ECEL1: variants seen among roughly 807,000 people sequenced by gnomAD.
ECEL1 encodes the protein endothelin-converting enzyme-like 1.
Under a neutral mutation model 101.8 loss-of-function variants are expected in ECEL1, and 87 were observed. The observed-to-expected ratio is 0.85, with a 90% CI of 0.72 to 1.02. The LOEUF is 1.02. Among genes scored for constraint, ECEL1 ranks in the 50% least tolerant of loss-of-function variants. ECEL1 has a pLI of 0.00. For missense variants in ECEL1, 1,032 were observed against 1,079.2 expected (o/e 0.96, Z 0.61); for synonymous variants, 487 against 468.7 (o/e 1.04, Z -0.50).
At position 232,485,980 on chromosome 2, in the gene ECEL1, C is replaced by A. The variant is rs1321618295; in HGVS notation, c.674G>T (p.Arg225Leu). 3.7e-6 allele frequency: 6 copies of A among 1,602,050 alleles called. No homozygotes were observed. The highest frequency in any genetic ancestry group is 5.1e-6 in the Non-Finnish European group (6 of 1,175,968). Residue 225 changes from arginine (R) to leucine (L), a missense_variant, in exon 2 of 18, where the codon CGA becomes CTA. By Grantham distance (102) the Arg-to-Leu change is moderately radical. Coordinates refer to ENST00000304546, the MANE Select transcript of ECEL1 (RefSeq NM_004826.4). Reference sequence around the variant, plus strand: ...GTACAGCAGCCGGTTGAGGTCCCATCGCGCCGCGACCCCCGGACGCTCCTC... The same window carrying A: ...GTACAGCAGCCGGTTGAGGTCCCATAGCGCCGCGACCCCCGGACGCTCCTC... ...GAEERPGVAARWDLNRLLYKA... is the reference protein window; with the variant it reads ...GAEERPGVAALWDLNRLLYKA...
chr2:232,485,965 C>T lies in ECEL1; in HGVS notation c.689G>A (p.Arg230Gln), dbSNP rs762952621. Residue 230 changes from arginine to glutamine, a missense_variant, in exon 2 of 18, where the codon CGG becomes CAG. Coordinates refer to ENST00000304546, the MANE Select transcript of ECEL1 (RefSeq NM_004826.4). ...PGVAARWDLN[R>Q]LLYKAQGVYS... is the part of the protein sequence containing the mutation. ...CACGCCCTGCGCCTTGTACAGCAGC[C>T]GGTTGAGGTCCCATCGCGCCGCGAC... 2.5e-6 allele frequency: 4 copies of T among 1,596,764 alleles called. No individual in the cohort carries two copies. Among genetic ancestry groups the T allele is most frequent in the Admixed American group, 1.7e-5 (1 of 58,216 alleles).
At chr2:232,481,285 G>T in intron 14 of ECEL1, 129 bp from the exon 15 acceptor site, 1 of 1,353,610 alleles carries the variant, frequency 7.4e-7, no homozygotes, top group Non-Finnish European at 1.0e-6. Flanking sequence ...AGTTTGAGGG[G>T]GGGCTCCAAC....
Position 232,486,723 on chromosome 2 carries a change from T to C in ECEL1, c.-70A>G. On this transcript the variant is annotated 5_prime_UTR_variant, in exon 2 of 18. Transcript: ENST00000304546. ...GGGATGCGCGTGGCCGCCGGCCTCC[T>C]CGTGGGCCTCCGCATGGCCCTGGGG... 1 of 1,376,200 alleles carries C rather than the reference T, an allele frequency of 7.3e-7. No homozygotes were observed. Among genetic ancestry groups the C allele is most frequent in the Non-Finnish European group, 9.4e-7 (1 of 1,067,158 alleles). 85.2% of individuals were successfully genotyped at this position (1,376,200 alleles called of 1,614,324 possible). A position where few individuals can be genotyped will look rare whatever the true frequency, so the allele number is the denominator to read the frequency against.
At chr2:232,481,066 G>A (rs1222710520) in intron 15 of ECEL1, 25 bp downstream of exon 15, 2 of 1,552,156 alleles carry the variant, frequency 1.3e-6, no homozygotes, top group Non-Finnish European at 1.7e-6. Context: ...CTGCAGCAGG[G>A]GTGGAGCACA....
chr2:232,480,416 A>G lies in ECEL1; in HGVS notation c.2211T>C (p.His737=), dbSNP rs776369901. The G allele has an allele frequency of 6.8e-6, 11 of 1,613,904 alleles. No homozygotes were observed. In the African/African-American group the frequency reaches 1.2e-4, roughly 18 times the overall value. The change falls in exon 17 of 18, where the codon CAT becomes CAC. Residue 737 remains histidine (H), a synonymous_variant. Transcript: ENST00000304546. ...GGGCATACCTGTAGTGCTCAGGGGCATGCTTGTCAGTCAGCACCTGCAGGT... is the reference window on the plus strand; with the variant it reads ...GGGCATACCTGTAGTGCTCAGGGGCGTGCTTGTCAGTCAGCACCTGCAGGT... ...SIYLQVLTDK[H]APEHYRVLGS...
At position 232,486,285 on chromosome 2, in the gene ECEL1, G is replaced by A; in HGVS notation, c.369C>T (p.Cys123=). Residue 123 remains cysteine (C), a synonymous_variant, in exon 2 of 18, where the codon TGC becomes TGT. Transcript: ENST00000304546. ...AANLDASIDP[C]QDFYSFACGG... ...CGCAGGCGAACGAGTAGAAGTCCTG[G>A]CATGGGTCGATGCTGGCGTCCAGGT... The A allele has an allele frequency of 6.3e-7, 1 of 1,597,364 alleles. No individual in the cohort carries two copies. Among genetic ancestry groups the A allele is most frequent in the Admixed American group, 1.7e-5 (1 of 59,536 alleles).
chr2:232,486,596 C>T lies in ECEL1; in HGVS notation c.58G>A (p.Val20Met), dbSNP rs748368427. 3 of 1,472,974 alleles carry T rather than the reference C, an allele frequency of 2.0e-6. No homozygotes were observed. Among genetic ancestry groups the T allele is most frequent in the African/African-American group, 1.5e-5 (1 of 68,702 alleles). 91.2% of individuals were successfully genotyped at this position (1,472,974 alleles called of 1,614,324 possible). Residue 20 changes from valine to methionine, a missense_variant, in exon 2 of 18, where the codon GTG (valine) becomes ATG (methionine). Coordinates refer to ENST00000304546, the MANE Select transcript of ECEL1 (RefSeq NM_004826.4). ...HYDEFQEVKY[V>M]SRCGAGGARG... ...GCGCCCCCCGCGCCGCAGCGGCTCACGTACTTGACCTCTTGGAACTCATCG... is the reference window on the plus strand; with the variant it reads ...GCGCCCCCCGCGCCGCAGCGGCTCATGTACTTGACCTCTTGGAACTCATCG...
rs890190621 is a variant in ECEL1, at chr2:232,486,449, C to A, written c.205G>T (p.Ala69Ser). The change falls in exon 2 of 18, where the codon GCC (alanine) becomes TCC (serine). Residue 69 changes from alanine (A) to serine (S), a missense_variant. Transcript: ENST00000304546. Reference sequence around the variant, plus strand: ...GCCAGAATGGCGCAGAGGCCGGCGGCGAACACCAGCCCCGACAGCAGGCAC... The same window carrying A: ...GCCAGAATGGCGCAGAGGCCGGCGGAGAACACCAGCCCCGACAGCAGGCAC... ...EVCLLSGLVF[A>S]AGLCAILAAM... The A allele has an allele frequency of 2.8e-6, 4 of 1,452,844 alleles. No homozygotes were observed. The African/African-American group carries it at 4.5e-5, about 16-fold the overall frequency. 90.0% of individuals were successfully genotyped at this position (1,452,844 alleles called of 1,614,324 possible).
At position 232,481,429 on chromosome 2, in the gene ECEL1, G is replaced by A. The variant is rs957143258; in HGVS notation, c.1989+77C>T. The A allele has an allele frequency of 5.2e-6, 8 of 1,540,186 alleles. No individual in the cohort carries two copies. The South Asian group carries it at 6.0e-5, about 12-fold the overall frequency. On this transcript the variant is annotated intron_variant, in intron 14 of 17. Coordinates refer to ENST00000304546, the MANE Select transcript of ECEL1 (RefSeq NM_004826.4). The stretch of plus-strand genomic sequence containing the variant: ...AGGTTTTGTTTGGACATGTGCACGT[G>A]CGCAAGGGTGTGCGTGATGCTCCCG...
At chr2:232,481,406 G>T in intron 14 of ECEL1, 100 bp downstream of exon 14, 1 of 1,514,160 alleles carries the variant, frequency 6.6e-7, no homozygotes, top group Non-Finnish European at 8.9e-7. Context: ...CTGGGCACAG[G>T]TTTTGTTTGG....
rs1434308845 is a variant in ECEL1, at chr2:232,485,859, C to G, written c.786+9G>C. 2 of 1,546,092 alleles carry G rather than the reference C, an allele frequency of 1.3e-6. No individual in the cohort carries two copies. Among genetic ancestry groups the G allele is most frequent in the Non-Finnish European group, 1.7e-6 (2 of 1,150,058 alleles). ...GGCCGCTGGCAGGGCGCTCAGGGGG[C>G]GCACTCACGCGGATGACGTAGCGCG... On this transcript the variant is annotated intron_variant, in intron 2 of 17. Coordinates refer to ENST00000304546, the MANE Select transcript of ECEL1 (RefSeq NM_004826.4).
Position 232,482,472 on chromosome 2 carries a change from A to G in ECEL1, c.1745-3T>C, listed in dbSNP as rs1575076040. 6.2e-7 allele frequency: 1 copy of G among 1,613,988 alleles called. No homozygotes were observed. The highest frequency in any genetic ancestry group is 2.2e-5 in the East Asian group (1 of 44,872). On this transcript the variant is annotated splice_region_variant and splice_polypyrimidine_tract_variant and intron_variant, in intron 11 of 17. Coordinates refer to ENST00000304546, the MANE Select transcript of ECEL1 (RefSeq NM_004826.4). ...CTGCAGGATGCCCGCGGGGAACACT[A>G]CAAGAAGGGGGTGCTCAGTGGGAAA...
chr2:232,486,160 A>G lies in ECEL1; in HGVS notation c.494T>C (p.Leu165Pro), dbSNP rs765305996. 14 of 1,575,010 alleles carry G rather than the reference A, an allele frequency of 8.9e-6. No individual in the cohort carries two copies. The highest frequency in any genetic ancestry group is 1.8e-4 in the Middle Eastern group (1 of 5,606). ...EQNEERLRRLLARPGGGPGGA... is the reference protein window; with the variant it reads ...EQNEERLRRLPARPGGGPGGA... Reference sequence around the variant, plus strand: ...GCCAGGCCCACCCCCGGGCCGCGCCAGCAGGCGCCGTAGGCGCTCCTCGTT... The same window carrying G: ...GCCAGGCCCACCCCCGGGCCGCGCCGGCAGGCGCCGTAGGCGCTCCTCGTT... Residue 165 changes from leucine to proline, a missense_variant, in exon 2 of 18, where the codon CTG becomes CCG. By Grantham distance (98) the Leu-to-Pro change is moderately conservative. Coordinates refer to ENST00000304546, the MANE Select transcript of ECEL1 (RefSeq NM_004826.4).
At chr2:232,487,275 C>T (rs1436939502) in intron 1 of ECEL1, among the ~76,000 whole-genome samples, 2 of 152,204 alleles carry the variant, frequency 1.3e-5, no homozygotes, top group African/African-American at 2.4e-5. Flanking sequence ...ACCCCGCTCC[C>T]TGGCTCCTTC....
chr2:232,482,645 C>G (rs757200894), intron 10 of ECEL1, 37 bp from the exon 11 acceptor site: 8 of 1,584,598 alleles, frequency 5.0e-6, no homozygotes, highest in Non-Finnish European at 6.0e-6. Flanking sequence ...GGGGAACACA[C>G]TCCCTCCCCC....
chr2:232,483,937 G>A lies in ECEL1; in HGVS notation c.1407+64C>T, dbSNP rs2241755. On this transcript the variant is annotated intron_variant, in intron 7 of 17. Transcript: ENST00000304546. Reference sequence around the variant, plus strand: ...GTGGGGCTCCCCATATTAGGACCATGGCCTCGGGAGGGCTCCACCCTCAGT... The same window carrying A: ...GTGGGGCTCCCCATATTAGGACCATAGCCTCGGGAGGGCTCCACCCTCAGT... 223,219 of 1,516,006 alleles carry A rather than the reference G, an allele frequency of 0.15. 17,647 individuals are homozygous for A. The highest frequency in any genetic ancestry group is 0.21 in the Middle Eastern group (1,211 of 5,636). The allele number at this position is 1,516,006 out of a possible 1,614,324, so 93.9% of individuals were successfully genotyped here.
rs770673747 is a variant in ECEL1 at position 232,481,768 on chromosome 2, C to A, written c.1864+14G>T. ...CCCCTCCGGGCCATCCCCTGGGGCCCCAACAGGCCTCACCCCAGTCGTCGT... is the reference window on the plus strand; with the variant it reads ...CCCCTCCGGGCCATCCCCTGGGGCCACAACAGGCCTCACCCCAGTCGTCGT... On this transcript the variant is annotated intron_variant, in intron 13 of 17. Coordinates refer to ENST00000304546, the MANE Select transcript of ECEL1 (RefSeq NM_004826.4). 6.2e-7 allele frequency: 1 copy of A among 1,613,676 alleles called. No individual in the cohort carries two copies. The highest frequency in any genetic ancestry group is 1.3e-5 in the African/African-American group (1 of 74,942).
chr2:232,481,697 C>T, intron 13 of ECEL1, 67 bp from the exon 14 acceptor site: 2 of 1,606,410 alleles, frequency 1.2e-6, no homozygotes, highest in Non-Finnish European at 1.7e-6. Flanking sequence ...ACCCACCAGC[C>T]CCAGTTAGGC....
At chr2:232,480,278 T>C (rs1325617144) in intron 17 of ECEL1, 26 bp from the exon 18 acceptor site, 2 of 1,612,404 alleles carry the variant, frequency 1.2e-6, no homozygotes, top group African/African-American at 2.7e-5. Flanking sequence ...ACCCACACAG[T>C]GTTGGGCCCT....
Sources: gnomAD v4.1 joint callset for allele counts (sites outside exome capture counted in the v4.1 genomes callset) on GRCh38, gnomAD v4.1.1 for gene constraint, MANE v1.5 for transcripts, NCBI Gene and HGNC (gene_info 2026-07-23, HGNC 2026-07-21) for gene names.